Variants in ANKS1A observed in about 807,000 individuals in gnomAD.
ANKS1A encodes the protein ankyrin repeat and sterile alpha motif domain containing 1A.
A neutral mutation model predicts 120.3 loss-of-function variants in ANKS1A; 55 were observed. The ratio of observed to expected loss-of-function variants is 0.46; its 90% CI spans 0.37 to 0.57. ANKS1A has a LOEUF of 0.57. ANKS1A is among the 20% of genes least tolerant of loss of function. The pLI, the probability that ANKS1A is intolerant of heterozygous loss-of-function variation, is 0.00. For synonymous variants in ANKS1A, 590 were observed against 604.7 expected, an observed-to-expected ratio of 0.98 and a Z score of 0.36; for missense variants, 1,123 against 1,480.3, an observed-to-expected ratio of 0.76 and a Z score of 3.96.
chr6:35,082,662 G>C lies in ANKS1A; in HGVS notation c.2710-29G>C, dbSNP rs758996442. On this transcript the variant is annotated intron_variant, in intron 17 of 23. Coordinates refer to ENST00000360359, the MANE Select transcript of ANKS1A (RefSeq NM_015245.3). The surrounding 1 kb of genome is among the most constrained non-coding windows in gnomAD (Gnocchi z 4.1). ...CCCATGTGCTCCTCTGGAGCAAGGA[G>C]CAGGTGTCCAATTGCGTGTGTTTCG... 6.3e-7 allele frequency: 1 copy of C among 1,593,770 alleles called. No individual in the cohort carries two copies. Among genetic ancestry groups the C allele is most frequent in the Non-Finnish European group, 8.6e-7 (1 of 1,169,414 alleles).
chr6:34,913,952 C>A (rs2127459450), intron 1 of ANKS1A, among the ~76,000 whole-genome samples: 1 of 152,024 alleles, frequency 6.6e-6, no homozygotes, highest in East Asian at 1.9e-4. Context: ...GAGTCTCGCT[C>A]TGTTGCCCAG....
chr6:34,969,800 T>C (rs1771089033), intron 2 of ANKS1A, among the ~76,000 whole-genome samples: 1 of 152,150 alleles, frequency 6.6e-6, no homozygotes, highest in African/African-American at 2.4e-5. Context: ...TGAGTCAGCA[T>C]AGCATGGCTC....
chr6:34,989,863 C>A (rs1294901649), intron 9 of ANKS1A, among the ~76,000 whole-genome samples: 1 of 152,180 alleles, frequency 6.6e-6, no homozygotes, highest in African/African-American at 2.4e-5. Context: ...AAAGAATAGT[C>A]TACCCTTTTG....
chr6:35,012,697 G>A (rs533113419), intron 10 of ANKS1A, among the ~76,000 whole-genome samples: 1 of 152,342 alleles, frequency 6.6e-6, no homozygotes, highest in South Asian at 2.1e-4. Flanking sequence ...TTAAAATGCA[G>A]CACAGAAGAC....
chr6:35,048,886 G>C (rs1355606480), intron 11 of ANKS1A, among the ~76,000 whole-genome samples: 3 of 152,224 alleles, frequency 2.0e-5, no homozygotes, highest in Admixed American at 2.0e-4. Context: ...CCTGGGAAGG[G>C]GGAGCACTGT....
At chr6:35,093,649 A>G (rs980857883), downstream of ANKS1A, among the ~76,000 whole-genome samples, 1 of 152,234 alleles carries the variant, frequency 6.6e-6, no homozygotes, top group Non-Finnish European at 1.5e-5. Flanking sequence ...TCGGAAGATC[A>G]GTAGATGCTC....
At chr6:35,042,611 C>T (rs1402028759) in intron 11 of ANKS1A, among the ~76,000 whole-genome samples, 1 of 152,192 alleles carries the variant, frequency 6.6e-6, no homozygotes, top group Non-Finnish European at 1.5e-5. Context: ...CAGTGTGGTA[C>T]AGCCAGGCTG....
chr6:34,892,184 C>G (rs192342292), intron 1 of ANKS1A, among the ~76,000 whole-genome samples: 4 of 152,268 alleles, frequency 2.6e-5, no homozygotes, highest in African/African-American at 9.6e-5. Context: ...AATAGCTTCC[C>G]AACCTCTCAT....
chr6:35,018,275 G>C (rs986926663), intron 11 of ANKS1A, among the ~76,000 whole-genome samples: 12 of 152,238 alleles, frequency 7.9e-5, no homozygotes, highest in African/African-American at 2.9e-4. Context: ...AAATTAGAGG[G>C]TGGAGGCCCC....
intron 1 of ANKS1A, among the ~76,000 whole-genome samples, chr6:34,904,327 A>T (rs907201446): frequency 7.7e-5 from 11 of 142,848 alleles, no homozygotes; most frequent in East Asian, 3.9e-4. Flanking sequence ...TTTTCTGAAT[A>T]TTTTTTTTCC....
intron 3 of ANKS1A, 122 bp from the exon 4 acceptor site, chr6:34,981,568 A>G: frequency 9.4e-7 from 1 of 1,065,462 alleles, no homozygotes; most frequent in Non-Finnish European, 1.3e-6. Flanking sequence ...GACTTTTATT[A>G]GCCCCCAAGT....
chr6:34,912,913 G>T (rs1328587340), intron 1 of ANKS1A, among the ~76,000 whole-genome samples: 1 of 152,108 alleles, frequency 6.6e-6, no homozygotes, highest in African/African-American at 2.4e-5. Context: ...TGTGTGTATT[G>T]CCTGTTTTGA....
chr6:35,049,396 G>A (rs1336701464), intron 11 of ANKS1A, among the ~76,000 whole-genome samples: 2 of 152,190 alleles, frequency 1.3e-5, no homozygotes, highest in Non-Finnish European at 1.5e-5. Flanking sequence ...AAACAGCGTG[G>A]CGCAGGGTCC....
At chr6:35,038,500 G>C (rs1775294191) in intron 11 of ANKS1A, among the ~76,000 whole-genome samples, 1 of 151,786 alleles carries the variant, frequency 6.6e-6, no homozygotes, top group Non-Finnish European at 1.5e-5. Context: ...ATTTTTTTTA[G>C]AGACAGGGCC....
At chr6:34,901,883 G>A (rs912928195) in intron 1 of ANKS1A, among the ~76,000 whole-genome samples, 3 of 152,320 alleles carry the variant, frequency 2.0e-5, no homozygotes, top group East Asian at 3.9e-4. Context: ...CCAAAAAGAC[G>A]TCTGTGGAAG....
At chr6:35,035,625 GT>G (rs1444707654) in intron 11 of ANKS1A, among the ~76,000 whole-genome samples, 2 of 152,164 alleles carry the variant, frequency 1.3e-5, no homozygotes, top group African/African-American at 4.8e-5. Context: ...TAGGGTAGAT[GT>G]TTGTTTTGAG....
chr6:34,978,728 C>T (rs1227367357), intron 3 of ANKS1A, among the ~76,000 whole-genome samples: 1 of 148,694 alleles, frequency 6.7e-6, no homozygotes. Flanking sequence ...TCGCTTGAAC[C>T]TGGGAGGCGG....
intron 10 of ANKS1A, among the ~76,000 whole-genome samples, chr6:35,006,045 G>A (rs774541295): frequency 2.6e-5 from 4 of 151,862 alleles, no homozygotes; most frequent in Admixed American, 2.6e-4. Flanking sequence ...AAAATTAGCT[G>A]GGTGTGGTGG....
At chr6:34,956,723 A>G (rs1257309183) in intron 1 of ANKS1A, among the ~76,000 whole-genome samples, 1 of 152,144 alleles carries the variant, frequency 6.6e-6, no homozygotes, top group African/African-American at 2.4e-5. Context: ...TCATCATTCA[A>G]GATAGAGACT....
Sources: allele counts gnomAD v4.1 joint callset (sites outside exome capture counted in the v4.1 genomes callset), GRCh38; gene constraint gnomAD v4.1.1; non-coding constraint Gnocchi (gnomAD v3.1); transcripts MANE v1.5; gene names NCBI Gene and HGNC (gene_info 2026-07-23, HGNC 2026-07-21).